The following GALNT3 variants were observed in gnomAD, a reference collection of about 807,000 sequenced individuals.
GALNT3 encodes GalNAc transferase 3.
Under a neutral mutation model 69.8 loss-of-function variants are expected in GALNT3, and 51 were observed. That is an observed-to-expected ratio of 0.73 (90% CI 0.58 to 0.92). The LOEUF (loss-of-function observed/expected upper bound fraction) is 0.92, where lower values mean the gene tolerates loss of function less well. GALNT3 is among the 40% of genes least tolerant of loss of function. The pLI, the probability that GALNT3 is intolerant of heterozygous loss-of-function variation, is 0.00. For synonymous variants in GALNT3, 265 were observed against 248.5 expected (o/e 1.07, Z -0.63); for missense variants, 711 against 760.0 (o/e 0.94, Z 0.76).
chr2:165,777,363 A>G (rs187492963), intron 1 of GALNT3, among the ~76,000 whole-genome samples: 1 of 152,352 alleles, frequency 6.6e-6, no homozygotes, highest in Non-Finnish European at 1.5e-5. Flanking sequence ...AATTATTATA[A>G]AACTCATTGG....
intron 3 of GALNT3, among the ~76,000 whole-genome samples, chr2:165,762,354 A>C (rs1688567017): frequency 6.6e-6 from 1 of 152,094 alleles, no homozygotes; most frequent in Non-Finnish European, 1.5e-5. Flanking sequence ...AGTCAACCCT[A>C]GCCGTTCAAA....
chr2:165,757,483 G>A (rs1470493331), intron 6 of GALNT3, among the ~76,000 whole-genome samples: 1 of 152,106 alleles, frequency 6.6e-6, no homozygotes, highest in Admixed American at 6.6e-5. Flanking sequence ...TTAACAAAAT[G>A]GTGATTTCAG....
intron 9 of GALNT3, among the ~76,000 whole-genome samples, chr2:165,750,356 G>T (rs572575827): frequency 1.3e-3 from 198 of 152,272 alleles, no homozygotes; most frequent in African/African-American, 4.4e-3. Context: ...ACCCCACAGG[G>T]TTATGAAGAT....
intron 1 of GALNT3, among the ~76,000 whole-genome samples, chr2:165,781,962 G>A (rs912791400): frequency 3.9e-5 from 6 of 152,092 alleles, no homozygotes; most frequent in African/African-American, 1.4e-4. Context: ...AAATGCCAGG[G>A]GCCATGTGGT....
In GALNT3 at chr2:165,770,211, G is replaced by T; in HGVS notation, c.490C>A (p.Leu164Ile). 6.2e-7 allele frequency: 1 copy of T among 1,614,138 alleles called. No homozygotes were observed. Among genetic ancestry groups the T allele is most frequent in the South Asian group, 1.1e-5 (1 of 91,070 alleles). Residue 164 changes from leucine (L) to isoleucine (I), a missense_variant, in exon 2 of 11, where the codon CTT becomes ATT. Coordinates refer to ENST00000392701, the MANE Select transcript of GALNT3 (RefSeq NM_004482.4). Reference protein sequence around the residue: ...ASDRISLHRDLGPDTRPPECI... With the variant: ...ASDRISLHRDIGPDTRPPECI... ...TCAGGAGGTCGAGTGTCTGGTCCAA[G>T]ATCTCGGTGCAAAGAAATCCTGTCA...
At chr2:165,774,221 A>C (rs112729988) in intron 1 of GALNT3, among the ~76,000 whole-genome samples, 1,777 of 152,254 alleles carry the variant, frequency 0.012, 35 homozygotes, top group African/African-American at 0.04. Flanking sequence ...TCCTGAGGGG[A>C]CTACCAAAAA....
chr2:165,756,897 G>A, intron 7 of GALNT3, 150 bp downstream of exon 7: 1 of 614,730 alleles, frequency 1.6e-6, no homozygotes. Context: ...TCTTAAAAAA[G>A]GAAACTTGGA....
At chr2:165,751,393 C>G (rs1688355004) in intron 9 of GALNT3, among the ~76,000 whole-genome samples, 1 of 152,050 alleles carries the variant, frequency 6.6e-6, no homozygotes, top group Non-Finnish European at 1.5e-5. Flanking sequence ...ATTTTTAGAA[C>G]TAGTAGTTCT....
intron 1 of GALNT3, among the ~76,000 whole-genome samples, chr2:165,780,341 C>G (rs951025165): frequency 1.3e-5 from 2 of 152,142 alleles, no homozygotes; most frequent in African/African-American, 2.4e-5. Context: ...ATTCACATAC[C>G]TCTTCCTCAA....
intron 1 of GALNT3, among the ~76,000 whole-genome samples, chr2:165,784,859 A>G (rs1220939823): frequency 6.6e-6 from 1 of 152,224 alleles, no homozygotes; most frequent in East Asian, 1.9e-4. Context: ...GATGGGTCAC[A>G]TCTGAAAAAA....
At chr2:165,763,189 C>G (rs550582429) in intron 3 of GALNT3, among the ~76,000 whole-genome samples, 4 of 152,076 alleles carry the variant, frequency 2.6e-5, no homozygotes, top group African/African-American at 4.8e-5. Flanking sequence ...CTTCAAGCAG[C>G]CTTCTTGGGC....
At chr2:165,764,211 G>C (rs1315082831) in intron 3 of GALNT3, among the ~76,000 whole-genome samples, 1 of 152,074 alleles carries the variant, frequency 6.6e-6, no homozygotes, top group Non-Finnish European at 1.5e-5. Flanking sequence ...GACTAACATT[G>C]TAAGTAATAT....
rs571827437 is a variant in GALNT3, at chr2:165,786,022, T to A, written c.-109+7993A>T. Among the ~76,000 whole-genome samples the A allele has an allele frequency of 6.2e-4, 94 of 152,262 alleles. No homozygotes were observed. The Middle Eastern group carries it at 0.01, about 17-fold the overall frequency. ...CTCGTAATATGCTTGCTTGACTCTG[T>A]AGTAAACAATATCTATGTAATCACA... On this transcript the variant is annotated intron_variant, in intron 1 of 10. Transcript: ENST00000392701.
chr2:165,775,263 AC>A (rs1296939502), intron 1 of GALNT3, among the ~76,000 whole-genome samples: 1 of 152,242 alleles, frequency 6.6e-6, no homozygotes, highest in Middle Eastern at 3.4e-3. Context: ...AAGAAAAAAA[AC>A]TGAGGAAAAA....
intron 4 of GALNT3, 71 bp from the exon 5 acceptor site, chr2:165,759,641 G>A: frequency 9.1e-7 from 1 of 1,097,896 alleles, no homozygotes; most frequent in East Asian, 2.6e-5. Context: ...TTTAGGTGAA[G>A]GTTTACAGAG....
chr2:165,770,273 C>A lies in GALNT3; in HGVS notation c.428G>T (p.Arg143Leu), dbSNP rs770369946. The A allele has an allele frequency of 6.2e-7, 1 of 1,614,042 alleles. No individual in the cohort carries two copies. Among genetic ancestry groups the A allele is most frequent in the African/African-American group, 1.3e-5 (1 of 74,910 alleles). ...LSVEEQKEKE[R>L]GEAKHCFNAF... is the part of the protein sequence containing the mutation. ...ATTAAAGCAGTGTTTAGCTTCCCCA[C>A]GTTCCTTTTCCTTTTGCTCTTCAAC... The change falls in exon 2 of 11, where the codon CGT becomes CTT. Residue 143 changes from arginine (R) to leucine (L), a missense_variant. Physicochemically the swap from Arg to Leu is moderately radical, Grantham distance 102 (BLOSUM62 -2). Coordinates refer to ENST00000392701, the MANE Select transcript of GALNT3 (RefSeq NM_004482.4).
chr2:165,751,279 G>C (rs1017162782), intron 9 of GALNT3, among the ~76,000 whole-genome samples: 1 of 152,066 alleles, frequency 6.6e-6, no homozygotes, highest in African/African-American at 2.4e-5. Flanking sequence ...ATTACAGTAG[G>C]CACTCTACAA....
At chr2:165,778,740 G>T (rs1195287008) in intron 1 of GALNT3, among the ~76,000 whole-genome samples, 1 of 152,196 alleles carries the variant, frequency 6.6e-6, no homozygotes, top group Non-Finnish European at 1.5e-5. Flanking sequence ...ACAGCCGGGG[G>T]ACAGAACCCT....
At position 165,749,645 on chromosome 2, in the gene GALNT3, A is replaced by G. The variant is rs548932359; in HGVS notation, c.1779+97T>C. 12 of 1,043,024 alleles carry G rather than the reference A, an allele frequency of 1.2e-5. No homozygotes were observed. The African/African-American group carries it at 1.4e-4, about 12-fold the overall frequency. The allele number at this position is 1,043,024 out of a possible 1,614,324, so 64.6% of individuals were successfully genotyped here. On this transcript the variant is annotated intron_variant, in intron 10 of 10. Transcript: ENST00000392701. Reference sequence around the variant, plus strand: ...TTAATAAAGGGAGAGAAATTCTGATAGATAATATTAATGTACCATGTTCCA... The same window carrying G: ...TTAATAAAGGGAGAGAAATTCTGATGGATAATATTAATGTACCATGTTCCA...
Sources: allele counts gnomAD v4.1 joint callset (sites outside exome capture counted in the v4.1 genomes callset), GRCh38; gene constraint gnomAD v4.1.1; transcripts MANE v1.5; gene names NCBI Gene and HGNC (gene_info 2026-07-23, HGNC 2026-07-21).